OXNAD1: variants seen among roughly 807,000 people sequenced by gnomAD.
OXNAD1 encodes oxidoreductase NAD-binding domain-containing protein 1.
Under a neutral mutation model 32.9 loss-of-function variants are expected in OXNAD1, and 34 were observed. The ratio of observed to expected loss-of-function variants is 1.03; its 90% CI spans 0.79 to 1.38. The LOEUF (loss-of-function observed/expected upper bound fraction) is 1.38. Among genes scored for constraint, OXNAD1 ranks in the 40% most tolerant of loss-of-function variants. The pLI is 0.00. For synonymous variants in OXNAD1, 134 were observed against 135.2 expected (o/e 0.99, Z 0.06); for missense variants, 407 against 379.4 (o/e 1.07, Z -0.60).
rs1182479532 is a variant in OXNAD1 at position 16,321,262 on chromosome 3, T to G, written c.*31-15850T>G. ...AGGGCTGAAAATGCAGGCGGAATGG[T>G]CATTGGCACAGAGGTGGTGAAGGAG... On this transcript the variant is annotated intron_variant, in intron 9 of 9. Coordinates refer to the OXNAD1 transcript ENST00000435829. The surrounding 1 kb of genome is among the most constrained non-coding windows in gnomAD (Gnocchi z 4.8). Among the ~76,000 whole-genome samples the G allele has an allele frequency of 2.0e-5, 3 of 151,744 alleles. No individual in the cohort carries two copies. The highest frequency in any genetic ancestry group is 4.4e-5 in the Non-Finnish European group (3 of 67,926).
chr3:16,338,619 T>TC (rs2071083292), downstream of OXNAD1, among the ~76,000 whole-genome samples: 1 of 152,222 alleles, frequency 6.6e-6, no homozygotes, highest in Admixed American at 6.5e-5. The surrounding 1 kb of genome is among the most constrained non-coding windows in gnomAD (Gnocchi z 5.3). Context: ...GCCAGGTCCC[T>TC]CCTACTGGCT....
chr3:16,278,003 G>A (rs2065466425), intron 4 of OXNAD1, among the ~76,000 whole-genome samples: 1 of 152,182 alleles, frequency 6.6e-6, no homozygotes, highest in Non-Finnish European at 1.5e-5. Context: ...TACTGGAGGG[G>A]GTCATTCCGT....
At chr3:16,306,398 T>C (rs569919878), downstream of OXNAD1, among the ~76,000 whole-genome samples, 58 of 152,270 alleles carry the variant, frequency 3.8e-4, no homozygotes, top group African/African-American at 1.3e-3. Flanking sequence ...AGTATATATT[T>C]CTAACAGATA....
exon 10 of OXNAD1, chr3:16,349,341 G>A (rs2071938641): frequency 6.6e-6 from 1 of 152,270 alleles, no homozygotes; most frequent in South Asian, 2.1e-4. Context: ...AACCACTGTG[G>A]CTGTAGAGAT....
In OXNAD1 at chr3:16,303,294, C is replaced by G; in HGVS notation, c.785-114C>G. On this transcript the variant is annotated intron_variant, in intron 8 of 8. Coordinates refer to ENST00000285083, the MANE Select transcript of OXNAD1 (RefSeq NM_138381.5). This position sits in a 1 kb window ranked among gnomAD's most constrained non-coding sequence, Gnocchi z 4.8. ...CCATACTGTGAATGGCTTAAGAAGA[C>G]TAGACTCACTGAACTTGGAAATAAA... is the stretch of plus-strand genomic sequence containing the variant. The G allele has an allele frequency of 4.8e-6, 6 of 1,242,090 alleles. No individual in the cohort carries two copies. Among genetic ancestry groups the G allele is most frequent in the East Asian group, 2.3e-5 (1 of 42,560 alleles). The allele number at this position is 1,242,090 out of a possible 1,614,324, so 76.9% of individuals were successfully genotyped here.
chr3:16,272,849 T>C (rs1243419600), intron 4 of OXNAD1, among the ~76,000 whole-genome samples: 2 of 151,140 alleles, frequency 1.3e-5, no homozygotes, highest in Non-Finnish European at 3.0e-5. Flanking sequence ...TTGCAAATTA[T>C]GAAAAAAAAA....
At chr3:16,293,528 C>T (rs998797546) in intron 5 of OXNAD1, among the ~76,000 whole-genome samples, 1 of 152,186 alleles carries the variant, frequency 6.6e-6, no homozygotes, top group African/African-American at 2.4e-5. Context: ...TTGGCTAGAA[C>T]CTCTAGGACA....
At position 16,348,310 on chromosome 3, in the gene OXNAD1, T is replaced by C. The variant is rs1575086808; in HGVS notation, c.*31-866T>C. On this transcript the variant is annotated intron_variant, in intron 9 of 9. Coordinates refer to the OXNAD1 transcript ENST00000606098. This position sits in a 1 kb window ranked among gnomAD's most constrained non-coding sequence, Gnocchi z 6.3. ...TCTAGGAGATCACCCACATTATCTA[T>C]TATTGAAGGCATCTAGGAGATCATC... Among the ~76,000 whole-genome samples, 2 of 152,032 alleles carry C rather than the reference T, an allele frequency of 1.3e-5. No homozygotes were observed. The highest frequency in any genetic ancestry group is 3.8e-4 in the East Asian group (2 of 5,198).
downstream of OXNAD1, among the ~76,000 whole-genome samples, chr3:16,341,419 A>G (rs2071309897): frequency 6.6e-6 from 1 of 152,198 alleles, no homozygotes; most frequent in African/African-American, 2.4e-5. The surrounding 1 kb of genome is among the most constrained non-coding windows in gnomAD (Gnocchi z 4.7). Flanking sequence ...CCCTTCAGTA[A>G]CTGACAGAGA....
At chr3:16,281,074 G>A (rs2065704686) in intron 4 of OXNAD1, among the ~76,000 whole-genome samples, 1 of 152,150 alleles carries the variant, frequency 6.6e-6, no homozygotes, top group African/African-American at 2.4e-5. Context: ...TATAACAGGG[G>A]CCACAATTAC....
downstream of OXNAD1, among the ~76,000 whole-genome samples, chr3:16,311,011 A>AAG (rs1553711092): frequency 0.042 from 5,659 of 136,114 alleles, 535 homozygotes; most frequent in African/African-American, 0.15. Context: ...AAAAAAAAAA[A>AAG]AAATCATCTG....
chr3:16,267,491 T>C (rs960318011), intron 1 of OXNAD1, among the ~76,000 whole-genome samples: 3 of 143,640 alleles, frequency 2.1e-5, no homozygotes, highest in Non-Finnish European at 3.0e-5. Context: ...TGGCCTTGGT[T>C]CCTTTAACAT....
intron 5 of OXNAD1, among the ~76,000 whole-genome samples, chr3:16,292,238 C>CTGGA (rs1483328839): frequency 6.8e-6 from 1 of 148,046 alleles, no homozygotes; most frequent in African/African-American, 2.5e-5. Context: ...GTCGCCCAGG[C>CTGGA]TGGAGCGCAG....
Position 16,320,468 on chromosome 3 carries a change from C to T in OXNAD1, c.*31-16644C>T, listed in dbSNP as rs112726926. Among the ~76,000 whole-genome samples, 102 of 152,318 alleles carry T rather than the reference C, an allele frequency of 6.7e-4. No homozygotes were observed. Among genetic ancestry groups the T allele is most frequent in the African/African-American group, 2.2e-3 (93 of 41,574 alleles). Reference sequence around the variant, plus strand: ...ATTGATTCGACAAGTATCTGTTGAGCACCAACTAAAATCTGGGTACACAAC... The same window carrying T: ...ATTGATTCGACAAGTATCTGTTGAGTACCAACTAAAATCTGGGTACACAAC... On this transcript the variant is annotated intron_variant, in intron 9 of 9. Transcript: ENST00000435829. The surrounding 1 kb of genome is among the most constrained non-coding windows in gnomAD (Gnocchi z 4.5).
chr3:16,266,858 A>G (rs1421695308), intron 1 of OXNAD1, among the ~76,000 whole-genome samples: 1 of 152,158 alleles, frequency 6.6e-6, no homozygotes, highest in East Asian at 1.9e-4. Flanking sequence ...GGCGTGGGTA[A>G]TGTTAAAATG....
At chr3:16,342,315 C>T (rs2071370460), downstream of OXNAD1, among the ~76,000 whole-genome samples, 1 of 152,162 alleles carries the variant, frequency 6.6e-6, no homozygotes, top group African/African-American at 2.4e-5. The surrounding 1 kb of genome is among the most constrained non-coding windows in gnomAD (Gnocchi z 4.0). Flanking sequence ...TTGCAACTGG[C>T]TTCTTTCACT....
intron 9 of OXNAD1, among the ~76,000 whole-genome samples, chr3:16,311,132 TC>T (rs2125126399): frequency 1.1e-5 from 1 of 91,912 alleles, no homozygotes; most frequent in Non-Finnish European, 2.0e-5. Context: ...GCCACACAAC[TC>T]CCTCCCTCCC....
chr3:16,265,819 A>G lies in OXNAD1; in HGVS notation c.-159+314A>G. ...AAATCATACACCTGGGAAATAATGA[A>G]GAGCTTGTCTGTCTCCAAAGCCCAG... On this transcript the variant is annotated intron_variant, in intron 1 of 8. Transcript: ENST00000285083. This position sits in a 1 kb window ranked among gnomAD's most constrained non-coding sequence, Gnocchi z 4.8. 1.0e-6 allele frequency: 1 copy of G among 963,880 alleles called. No homozygotes were observed. The highest frequency in any genetic ancestry group is 1.2e-6 in the Non-Finnish European group (1 of 810,356). 59.7% of individuals were successfully genotyped at this position (963,880 alleles called of 1,614,324 possible).
downstream of OXNAD1, among the ~76,000 whole-genome samples, chr3:16,341,877 T>C (rs995506514): frequency 3.3e-5 from 5 of 152,260 alleles, no homozygotes; most frequent in Non-Finnish European, 7.4e-5. This position sits in a 1 kb window ranked among gnomAD's most constrained non-coding sequence, Gnocchi z 4.7. Context: ...TTGTAAAAAA[T>C]ATGCAAATAT....
Sources: gnomAD v4.1 joint callset for allele counts (sites outside exome capture counted in the v4.1 genomes callset) on GRCh38, gnomAD v4.1.1 for gene constraint, Gnocchi (gnomAD v3.1) non-coding constraint, MANE v1.5 for transcripts, NCBI Gene and HGNC (gene_info 2026-07-23, HGNC 2026-07-21) for gene names.